LPAR1: variants seen among roughly 807,000 people sequenced by gnomAD.
The protein encoded by LPAR1 is lysophosphatidic acid receptor 1, also known as LPA receptor 1.
A neutral mutation model predicts 23.8 loss-of-function variants in LPAR1; 5 were observed. The ratio of observed to expected loss-of-function variants is 0.21; its 90% CI spans 0.11 to 0.44. The LOEUF is 0.44. Among genes scored for constraint, LPAR1 ranks in the 20% least tolerant of loss-of-function variants. The pLI, the probability that LPAR1 is intolerant of heterozygous loss-of-function variation, is 0.99. For synonymous variants in LPAR1, 160 were observed against 164.7 expected (o/e 0.97, Z 0.22); for missense variants, 311 against 482.8 (o/e 0.64, Z 3.33).
chr9:110,909,729 G>GTATTTATTTATT (rs56693702), intron 5 of LPAR1, among the ~76,000 whole-genome samples: 22,557 of 147,712 alleles, frequency 0.15, 2,073 homozygotes, highest in African/African-American at 0.24. Flanking sequence ...ATTAAATAAA[G>GTATTTATTTATT]TATTTATTTA....
chr9:110,929,698 A>ATGTGTGTGTGTGTG (rs71371696), intron 5 of LPAR1, among the ~76,000 whole-genome samples: 6 of 146,358 alleles, frequency 4.1e-5, no homozygotes, highest in African/African-American at 1.3e-4. Context: ...CCAGCCAATA[A>ATGTGTGTGTGTGTG]TGTGTGTGTG....
chr9:110,977,213 T>A (rs2138645519), intron 2 of LPAR1, among the ~76,000 whole-genome samples: 1 of 152,318 alleles, frequency 6.6e-6, no homozygotes, highest in East Asian at 1.9e-4. Flanking sequence ...CTGAGGGAAC[T>A]AAGCCCAGGA....
chr9:110,994,597 A>C (rs987907134), intron 2 of LPAR1, among the ~76,000 whole-genome samples: 1 of 152,186 alleles, frequency 6.6e-6, no homozygotes, highest in Non-Finnish European at 1.5e-5. Context: ...GCTTCTTCAC[A>C]CTTTTTTACT....
At position 110,875,488 on chromosome 9, in the gene LPAR1, C is replaced by G; in HGVS notation, c.1028G>C (p.Arg343Pro). 6.2e-7 allele frequency: 1 copy of G among 1,613,970 alleles called. No individual in the cohort carries two copies. The highest frequency in any genetic ancestry group is 1.7e-4 in the Middle Eastern group (1 of 6,060). Reference protein sequence around the residue: ...NPTGPTEGSDRSASSLNHTIL... With the variant: ...NPTGPTEGSDPSASSLNHTIL... ...GGTGTGGTTGAGGGAGGAAGCCGAG[C>G]GGTCTGAGCCTTCTGTGGGGCCGGT... is the stretch of plus-strand genomic sequence containing the variant. Residue 343 changes from arginine (R) to proline (P), a missense_variant, in exon 6 of 6, where the codon CGC becomes CCC. Arg to Pro is a moderately radical substitution (Grantham distance 103). Transcript: ENST00000683809.
intron 5 of LPAR1, among the ~76,000 whole-genome samples, chr9:110,908,349 T>C (rs7042629): frequency 0.12 from 18,099 of 149,390 alleles, 1,178 homozygotes; most frequent in South Asian, 0.13. Context: ...ATTAACTATA[T>C]ATTAAATTGA....
intron 5 of LPAR1, among the ~76,000 whole-genome samples, chr9:110,895,230 C>T (rs867776068): frequency 1.3e-5 from 2 of 152,168 alleles, no homozygotes. Flanking sequence ...AGAATGAAAT[C>T]CTTCTGGCTT....
chr9:111,016,623 C>T (rs1404233813), intron 2 of LPAR1, among the ~76,000 whole-genome samples: 1 of 152,206 alleles, frequency 6.6e-6, no homozygotes, highest in African/African-American at 2.4e-5. Context: ...GGAACCCACA[C>T]TTAACTGACC....
At chr9:110,952,111 G>A (rs956159081) in intron 4 of LPAR1, among the ~76,000 whole-genome samples, 1 of 152,136 alleles carries the variant, frequency 6.6e-6, no homozygotes, top group Non-Finnish European at 1.5e-5. Flanking sequence ...CTAAAAAAGA[G>A]TACTAGAATT....
chr9:110,877,264 A>T (rs1435559333), intron 5 of LPAR1, among the ~76,000 whole-genome samples: 1 of 152,120 alleles, frequency 6.6e-6, no homozygotes, highest in African/African-American at 2.4e-5. Flanking sequence ...GGAGAAAAGT[A>T]CCCCCATAAA....
intron 4 of LPAR1, among the ~76,000 whole-genome samples, chr9:110,943,571 A>T (rs2095255224): frequency 6.6e-6 from 1 of 152,142 alleles, no homozygotes; most frequent in South Asian, 2.1e-4. Flanking sequence ...TCTTAAAGAG[A>T]TCACAGTCCA....
At position 111,032,154 on chromosome 9, in the gene LPAR1, A is replaced by G. The variant is rs145143457; in HGVS notation, c.-182+3968T>C. Among the ~76,000 whole-genome samples the G allele has an allele frequency of 1.7e-3, 253 of 152,312 alleles. 7 individuals carry two copies. In the East Asian group the frequency reaches 0.045, roughly 27 times the overall value. On this transcript the variant is annotated intron_variant, in intron 2 of 5. Transcript: ENST00000683809. ...AATGAAAACTAGAATTACCAACCAG[A>G]TATCAGTTCTTATTCTTATTTTCCA...
intron 2 of LPAR1, among the ~76,000 whole-genome samples, chr9:111,011,126 A>T (rs1449653650): frequency 6.6e-6 from 1 of 152,196 alleles, no homozygotes; most frequent in Non-Finnish European, 1.5e-5. Context: ...ATTTGTGAGC[A>T]TAAGTGTATG....
At chr9:110,966,060 G>A (rs1039916948) in intron 4 of LPAR1, among the ~76,000 whole-genome samples, 12 of 152,266 alleles carry the variant, frequency 7.9e-5, no homozygotes, top group South Asian at 2.1e-4. Flanking sequence ...TCACTCATAA[G>A]TGGGAGATGA....
At chr9:110,965,199 A>G (rs2096169486) in intron 4 of LPAR1, among the ~76,000 whole-genome samples, 1 of 152,072 alleles carries the variant, frequency 6.6e-6, no homozygotes, top group Non-Finnish European at 1.5e-5. Context: ...ACTGAATGAG[A>G]ATTGGAGGAA....
chr9:110,877,311 A>C (rs781732673), intron 5 of LPAR1, among the ~76,000 whole-genome samples: 2 of 152,240 alleles, frequency 1.3e-5, no homozygotes. Context: ...TATTGGTTTT[A>C]AACTGCTGTT....
Position 110,948,764 on chromosome 9 carries a change from T to C in LPAR1, c.46-6596A>G, listed in dbSNP as rs186594642. Among the ~76,000 whole-genome samples, 34 of 152,232 alleles carry C rather than the reference T, an allele frequency of 2.2e-4. 1 individual carries two copies. The highest frequency in any genetic ancestry group is 1.5e-3 in the Admixed American group (23 of 15,294). On this transcript the variant is annotated intron_variant, in intron 4 of 5. Coordinates refer to ENST00000683809, the MANE Select transcript of LPAR1 (RefSeq NM_001351411.2). ...GGTGAAAGGCTGTCCAGGCAGCAGA[T>C]TGTCAGAGATCATGAGGACAGGGCT...
At chr9:110,887,719 T>C (rs570494169) in intron 5 of LPAR1, among the ~76,000 whole-genome samples, 1 of 152,268 alleles carries the variant, frequency 6.6e-6, no homozygotes, top group South Asian at 2.1e-4. Flanking sequence ...AGTACAAGTG[T>C]AGAGTAAAAA....
chr9:110,965,828 G>GT (rs1244582066), intron 4 of LPAR1, among the ~76,000 whole-genome samples: 1 of 152,220 alleles, frequency 6.6e-6, no homozygotes, highest in Non-Finnish European at 1.5e-5. Context: ...GCACACGCAT[G>GT]TTTATTGTAG....
chr9:110,873,330 A>G lies in LPAR1; in HGVS notation c.*2091T>C, dbSNP rs2132130750. On this transcript the variant is annotated 3_prime_UTR_variant, in exon 6 of 6. Coordinates refer to ENST00000683809, the MANE Select transcript of LPAR1 (RefSeq NM_001351411.2). ...ATTTCAAATAATCCATATAGCCTCC[A>G]GAAAAATATGCACATGTGTAAAAGT... 1 of 152,376 alleles carries G rather than the reference A, an allele frequency of 6.6e-6. No individual in the cohort carries two copies. The highest frequency in any genetic ancestry group is 2.4e-5 in the African/African-American group (1 of 41,580). The allele number at this position is 152,376 out of a possible 1,614,324, so 9.4% of individuals were successfully genotyped here.
Sources: gnomAD v4.1 joint callset for allele counts (sites outside exome capture counted in the v4.1 genomes callset) on GRCh38, gnomAD v4.1.1 for gene constraint, MANE v1.5 for transcripts, NCBI Gene and HGNC (gene_info 2026-07-23, HGNC 2026-07-21) for gene names.